BMP8A: variants seen among roughly 807,000 people sequenced by gnomAD.
The protein encoded by BMP8A is bone morphogenetic protein 8a.
Under a neutral mutation model 36.8 loss-of-function variants are expected in BMP8A, and 14 were observed. That is an observed-to-expected ratio of 0.38 (90% CI 0.25 to 0.60). The LOEUF is 0.60. BMP8A is among the 20% of genes least tolerant of loss of function. The pLI is 0.63. For synonymous variants in BMP8A, 120 were observed against 237.7 expected, an observed-to-expected ratio of 0.50 and a Z score of 4.55; for missense variants, 267 against 551.1, an observed-to-expected ratio of 0.48 and a Z score of 5.16.
chr1:39,499,560 G>A (rs977973226), intron 1 of BMP8A, among the ~76,000 whole-genome samples: 5 of 152,236 alleles, frequency 3.3e-5, no homozygotes, highest in African/African-American at 7.2e-5. Context: ...ACTGAGGGTC[G>A]CAGGGTTTGG....
In BMP8A at chr1:39,529,124, C is replaced by T. The variant is rs977136072; in HGVS notation, c.*3326C>T. ...GCCCTTTTGAGGCCTCCATGAGGGC[C>T]AAATGTGCCATGGGACACTTAGTGC... On this transcript the variant is annotated 3_prime_UTR_variant, in exon 7 of 7. Coordinates refer to ENST00000331593, the MANE Select transcript of BMP8A (RefSeq NM_181809.4). 4 of 152,218 alleles carry T rather than the reference C, an allele frequency of 2.6e-5. No homozygotes were observed. The highest frequency in any genetic ancestry group is 2.0e-4 in the Admixed American group (3 of 15,280). 9.4% of individuals were successfully genotyped at this position (152,218 alleles called of 1,614,324 possible).
intron 1 of BMP8A, among the ~76,000 whole-genome samples, chr1:39,510,563 C>T (rs1645344259): frequency 6.6e-6 from 1 of 150,436 alleles, no homozygotes; most frequent in African/African-American, 2.4e-5. Context: ...TGCTCTGGCC[C>T]TCTGCCTTGG....
chr1:39,523,388 G>A (rs977201116), intron 6 of BMP8A, among the ~76,000 whole-genome samples: 1 of 152,246 alleles, frequency 6.6e-6, no homozygotes, highest in Non-Finnish European at 1.5e-5. Context: ...ACAAACTCCT[G>A]TGGGACACTT....
chr1:39,528,699 CTT>C lies in BMP8A; in HGVS notation c.*2917_*2918del, dbSNP rs34518993. ...CGACCTGGCATCAGGTCCTGGCTGC[CTT>C]TTTTTTTTTTTTTTTAAAGACATAC... On this transcript the variant is annotated 3_prime_UTR_variant, in exon 7 of 7. Coordinates refer to ENST00000331593, the MANE Select transcript of BMP8A (RefSeq NM_181809.4). Among the ~76,000 whole-genome samples, 64 of 139,118 alleles carry C rather than the reference CTT, an allele frequency of 4.6e-4. No individual in the cohort carries two copies. The highest frequency in any genetic ancestry group is 4.0e-3 in the Middle Eastern group (1 of 252). The allele number at this position is 139,118 out of a possible 152,430, so 91.3% of individuals were successfully genotyped here.
In BMP8A at chr1:39,505,074, C is replaced by T. The variant is rs370838072; in HGVS notation, c.335-6100C>T. On this transcript the variant is annotated intron_variant, in intron 1 of 6. Coordinates refer to ENST00000331593, the MANE Select transcript of BMP8A (RefSeq NM_181809.4). Reference sequence around the variant, plus strand: ...GGTTTTACACCACGACATTCCAATCCCAGGGATGAGCAGGAGACAGATGCC... The same window carrying T: ...GGTTTTACACCACGACATTCCAATCTCAGGGATGAGCAGGAGACAGATGCC... Among the ~76,000 whole-genome samples, 3 of 152,162 alleles carry T rather than the reference C, an allele frequency of 2.0e-5. No homozygotes were observed. The East Asian group carries it at 5.8e-4, about 29-fold the overall frequency.
chr1:39,528,497 A>AACC lies in BMP8A; in HGVS notation c.*2700_*2702dup, dbSNP rs1645505092. Among the ~76,000 whole-genome samples the AACC allele has an allele frequency of 6.6e-6, 1 of 152,198 alleles. No individual in the cohort carries two copies. The highest frequency in any genetic ancestry group is 2.4e-5 in the African/African-American group (1 of 41,436). ...GGCCATTTGGTGCAGAACAACCCCC[A>AACC]ACCCAGTGGCCATCTTCACAACTGC... is the stretch of plus-strand genomic sequence containing the variant. On this transcript the variant is annotated 3_prime_UTR_variant, in exon 7 of 7. Coordinates refer to ENST00000331593, the MANE Select transcript of BMP8A (RefSeq NM_181809.4).
At chr1:39,507,636 G>A (rs1645313258) in intron 1 of BMP8A, among the ~76,000 whole-genome samples, 1 of 152,186 alleles carries the variant, frequency 6.6e-6, no homozygotes, top group African/African-American at 2.4e-5. Flanking sequence ...GCATTGCTGA[G>A]GTGCTGCCGC....
At chr1:39,506,005 A>AAAAG in intron 1 of BMP8A, among the ~76,000 whole-genome samples, 3 of 151,184 alleles carry the variant, frequency 2.0e-5, no homozygotes, top group Non-Finnish European at 1.5e-5. Flanking sequence ...AAAAAAAAAA[A>AAAAG]AGTGTCAAGG....
At position 39,514,807 on chromosome 1, in the gene BMP8A, C is replaced by G. The variant is rs1332058387; in HGVS notation, c.673+2903C>G. 5 of 1,162,244 alleles carry G rather than the reference C, an allele frequency of 4.3e-6. No individual in the cohort carries two copies. In the African/African-American group the frequency reaches 8.0e-5, roughly 19 times the overall value. The allele number at this position is 1,162,244 out of a possible 1,614,324, so 72.0% of individuals were successfully genotyped here. On this transcript the variant is annotated intron_variant, in intron 3 of 6. Coordinates refer to ENST00000331593, the MANE Select transcript of BMP8A (RefSeq NM_181809.4). ...CCGGCCCCCTCCCTGTTGCGGGTCG[C>G]GGGCCTGGCCTAGAGCCTGCGCCTG...
chr1:39,508,838 T>A (rs772395132), intron 1 of BMP8A, among the ~76,000 whole-genome samples: 7 of 152,200 alleles, frequency 4.6e-5, no homozygotes, highest in Non-Finnish European at 8.8e-5. Flanking sequence ...TCCTAAAAAA[T>A]TCCCAACTTC....
chr1:39,492,042 G>A lies in BMP8A; in HGVS notation c.51G>A (p.Ala17=). 15 of 1,097,586 alleles carry A rather than the reference G, an allele frequency of 1.4e-5. No individual in the cohort carries two copies. Among genetic ancestry groups the A allele is most frequent in the Non-Finnish European group, 1.7e-5 (15 of 903,882 alleles). The allele number at this position is 1,097,586 out of a possible 1,614,324, so 68.0% of individuals were successfully genotyped here. ...GGCTTCTGGGCCTGACGTTGTGCGC[G>A]CTGGGCGGGGGCGGCCCCGGCCTGC... ...PLWLLGLTLC[A]LGGGGPGLRP... is the part of the protein sequence containing the mutation. Residue 17 remains alanine, a synonymous_variant, in exon 1 of 7, where the codon GCG becomes GCA. Transcript: ENST00000331593.
At chr1:39,493,962 TG>T (rs762315456) in intron 1 of BMP8A, among the ~76,000 whole-genome samples, 2 of 152,274 alleles carry the variant, frequency 1.3e-5, no homozygotes, top group Non-Finnish European at 2.9e-5. Flanking sequence ...GGGCTGTTGC[TG>T]TGAATTGGGC....
At chr1:39,522,790 G>A (rs879640877) in intron 5 of BMP8A, among the ~76,000 whole-genome samples, 85 of 133,386 alleles carry the variant, frequency 6.4e-4, no homozygotes, top group South Asian at 2.2e-3. Flanking sequence ...GTGTGGGCAG[G>A]GGAGGGCCGG....
chr1:39,523,375 T>C (rs1645449750), intron 6 of BMP8A, among the ~76,000 whole-genome samples: 1 of 152,228 alleles, frequency 6.6e-6, no homozygotes, highest in African/African-American at 2.4e-5. Flanking sequence ...TTCTATGCAC[T>C]GAACAAACTC....
rs77036441 is a variant in BMP8A at position 39,506,709 on chromosome 1, C to G, written c.335-4465C>G. ...CACTCCCTGCATTATTCCCAGCCCC[C>G]CTTCTTTGTGTACTTCCTAGCACTT... On this transcript the variant is annotated intron_variant, in intron 1 of 6. Coordinates refer to ENST00000331593, the MANE Select transcript of BMP8A (RefSeq NM_181809.4). Among the ~76,000 whole-genome samples, 20 of 152,200 alleles carry G rather than the reference C, an allele frequency of 1.3e-4. 1 individual carries two copies. In the East Asian group the frequency reaches 3.5e-3, roughly 26 times the overall value.
rs1179228699 is a variant in BMP8A at position 39,528,125 on chromosome 1, G to A, written c.*2327G>A. Among the ~76,000 whole-genome samples, 8 of 152,208 alleles carry A rather than the reference G, an allele frequency of 5.3e-5. No homozygotes were observed. In the East Asian group the frequency reaches 7.7e-4, roughly 15 times the overall value. On this transcript the variant is annotated 3_prime_UTR_variant, in exon 7 of 7. Coordinates refer to ENST00000331593, the MANE Select transcript of BMP8A (RefSeq NM_181809.4). ...AAATGAATGTTTTCAAGACGCAAAC[G>A]CTGCTATGCCCATCAGGTGTGCACA... is the stretch of plus-strand genomic sequence containing the variant.
At chr1:39,492,409 T>C in intron 1 of BMP8A, 84 bp downstream of exon 1, 1 of 1,385,566 alleles carries the variant, frequency 7.2e-7, no homozygotes, top group Non-Finnish European at 9.3e-7. Flanking sequence ...TGCCGGGCCC[T>C]GGCCGAACGG....
chr1:39,511,614 TG>T, intron 2 of BMP8A, 141 bp from the exon 3 acceptor site: 1 of 1,085,460 alleles, frequency 9.2e-7, no homozygotes. Flanking sequence ...TACACCTCTG[TG>T]GGCTGAGGCA....
At chr1:39,492,725 G>A (rs1394382533) in intron 1 of BMP8A, among the ~76,000 whole-genome samples, 5 of 152,222 alleles carry the variant, frequency 3.3e-5, no homozygotes, top group Non-Finnish European at 5.9e-5. Context: ...AAAGTTCAGC[G>A]TGGAAACCTG....
Sources: gnomAD v4.1 joint callset for allele counts (sites outside exome capture counted in the v4.1 genomes callset) on GRCh38, gnomAD v4.1.1 for gene constraint, MANE v1.5 for transcripts, NCBI Gene and HGNC (gene_info 2026-07-23, HGNC 2026-07-21) for gene names.